SVEP1: variants seen among roughly 807,000 people sequenced by gnomAD.
SVEP1 encodes sushi, von Willebrand factor type A, EGF and pentraxin domain containing 1, also known as sushi, von Willebrand factor type A, EGF and pentraxin domain-containing protein 1.
SVEP1 carries 164 observed loss-of-function variants against 367.3 expected under a neutral mutation model. The ratio of observed to expected loss-of-function variants is 0.45; its 90% CI spans 0.39 to 0.51. The LOEUF is 0.51. SVEP1 is among the 20% of genes least tolerant of loss of function. SVEP1 has a pLI of 0.00. For synonymous variants in SVEP1, 1,666 were observed against 1,611.6 expected (o/e 1.03, Z -0.81); for missense variants, 4,117 against 4,425.3 (o/e 0.93, Z 1.98).
intron 30 of SVEP1, among the ~76,000 whole-genome samples, chr9:110,433,097 T>C (rs1828376475): frequency 6.6e-6 from 1 of 152,190 alleles, no homozygotes; most frequent in Non-Finnish European, 1.5e-5. Context: ...GTGCCTACTC[T>C]TGATGCCTTC....
chr9:110,406,087 A>G, intron 38 of SVEP1, 73 bp downstream of exon 38: 1 of 1,491,650 alleles, frequency 6.7e-7, no homozygotes. Context: ...CAATCAGCAA[A>G]ATTTTTGATC....
intron 3 of SVEP1, among the ~76,000 whole-genome samples, chr9:110,519,848 G>A (rs1829855633): frequency 6.6e-6 from 1 of 152,050 alleles, no homozygotes; most frequent in Non-Finnish European, 1.5e-5. Flanking sequence ...AACAAGCTAT[G>A]GGGTCACTGG....
At chr9:110,550,273 T>C (rs1041494342) in intron 1 of SVEP1, among the ~76,000 whole-genome samples, 169 bp from the exon 2 acceptor site, 1 of 152,148 alleles carries the variant, frequency 6.6e-6, no homozygotes, top group Non-Finnish European at 1.5e-5. Context: ...GAGCCTACAA[T>C]GATCTTCTCA....
At chr9:110,536,386 C>G (rs1264263151) in intron 3 of SVEP1, among the ~76,000 whole-genome samples, 1 of 151,986 alleles carries the variant, frequency 6.6e-6, no homozygotes, top group Admixed American at 6.6e-5. Flanking sequence ...GTTTCCTCTT[C>G]TGCAAATGAG....
intron 18 of SVEP1, among the ~76,000 whole-genome samples, chr9:110,460,781 G>A (rs1257698576): frequency 1.3e-5 from 2 of 151,986 alleles, no homozygotes; most frequent in Non-Finnish European, 2.9e-5. Flanking sequence ...AAAATTCAAG[G>A]AAGGTATTAA....
intron 5 of SVEP1, among the ~76,000 whole-genome samples, chr9:110,505,122 G>A (rs1437605666): frequency 6.6e-6 from 1 of 152,098 alleles, no homozygotes; most frequent in Non-Finnish European, 1.5e-5. Context: ...GCATTTCCGC[G>A]GTTCTGCCAC....
chr9:110,499,245 T>C lies in SVEP1; in HGVS notation c.1484-7A>G. On this transcript the variant is annotated splice_polypyrimidine_tract_variant and splice_region_variant and intron_variant, in intron 6 of 47. Transcript: ENST00000374469. ...AAGGTGGAACAGTGGCGCTCTACGGTAGGGAAACAGAGAGAATGTTATTTG... is the reference window on the plus strand; with the variant it reads ...AAGGTGGAACAGTGGCGCTCTACGGCAGGGAAACAGAGAGAATGTTATTTG... 1.2e-6 allele frequency: 2 copies of C among 1,605,950 alleles called. No individual in the cohort carries two copies. The highest frequency in any genetic ancestry group is 4.5e-5 in the East Asian group (2 of 44,752).
chr9:110,375,333 A>C lies in SVEP1; in HGVS notation c.10600+35T>G, dbSNP rs1179089994. 3 of 1,521,906 alleles carry C rather than the reference A, an allele frequency of 2.0e-6. No homozygotes were observed. In the South Asian group the frequency reaches 3.6e-5, roughly 18 times the overall value. The allele number at this position is 1,521,906 out of a possible 1,614,324, so 94.3% of individuals were successfully genotyped here. A position where few individuals can be genotyped will look rare whatever the true frequency, so the allele number is the denominator to read the frequency against. On this transcript the variant is annotated intron_variant, in intron 46 of 47. Transcript: ENST00000374469. ...TGTCCTCTGGAGTTTCATGGGCCTG[A>C]GCCACCAAGAAAACAAACCATGAAA...
intron 43 of SVEP1, among the ~76,000 whole-genome samples, chr9:110,381,533 T>A (rs1041376349): frequency 6.6e-6 from 1 of 152,224 alleles, no homozygotes; most frequent in African/African-American, 2.4e-5. Context: ...TTCTAATTTT[T>A]GATTGAGCTG....
intron 9 of SVEP1, among the ~76,000 whole-genome samples, chr9:110,488,555 G>A (rs1829320497): frequency 6.6e-6 from 1 of 152,048 alleles, no homozygotes; most frequent in Non-Finnish European, 1.5e-5. Flanking sequence ...TTGGTAACAA[G>A]TGTGTGGTTA....
At chr9:110,382,717 G>C (rs949805093) in intron 43 of SVEP1, among the ~76,000 whole-genome samples, 1 of 151,964 alleles carries the variant, frequency 6.6e-6, no homozygotes, top group Non-Finnish European at 1.5e-5. Flanking sequence ...TCATAGGTTC[G>C]GTCTTTTTAC....
At chr9:110,399,009 G>T (rs1311850948) in intron 40 of SVEP1, among the ~76,000 whole-genome samples, 2 of 152,098 alleles carry the variant, frequency 1.3e-5, no homozygotes, top group Non-Finnish European at 2.9e-5. Flanking sequence ...ATACCCAAAG[G>T]ATTATAAATC....
chr9:110,379,195 T>C (rs983592836), intron 44 of SVEP1, among the ~76,000 whole-genome samples, 152 bp downstream of exon 44: 2 of 152,194 alleles, frequency 1.3e-5, no homozygotes, highest in South Asian at 4.1e-4. Flanking sequence ...ACTCAAACCA[T>C]AACATTAAAA....
chr9:110,380,367 T>A (rs947631517), intron 43 of SVEP1, among the ~76,000 whole-genome samples: 1 of 152,168 alleles, frequency 6.6e-6, no homozygotes. Context: ...TTTGTTGTCA[T>A]AATACTACCA....
intron 1 of SVEP1, among the ~76,000 whole-genome samples, chr9:110,566,008 A>AT (rs1470468200): frequency 6.6e-6 from 1 of 151,970 alleles, no homozygotes; most frequent in South Asian, 2.1e-4. Context: ...CTTCATCTGC[A>AT]TTTTGGTAAT....
intron 24 of SVEP1, among the ~76,000 whole-genome samples, chr9:110,448,903 G>A (rs77350271): frequency 0.15 from 22,713 of 152,178 alleles, 2,259 homozygotes; most frequent in East Asian, 0.43. Flanking sequence ...TCTGGATAGC[G>A]CCTTGGCTGT....
At chr9:110,442,749 C>T (rs961305011) in intron 27 of SVEP1, 1 of 152,080 alleles carries the variant, frequency 6.6e-6, no homozygotes, top group Non-Finnish European at 1.5e-5. Context: ...AGGCGTGAGC[C>T]ACCGTACCTG....
intron 15 of SVEP1, 106 bp from the exon 16 acceptor site, chr9:110,471,703 A>G: frequency 2.6e-6 from 2 of 777,916 alleles, no homozygotes; most frequent in Non-Finnish European, 4.1e-6. Context: ...TTTTAGTACT[A>G]ATAAGTGGTC....
intron 1 of SVEP1, among the ~76,000 whole-genome samples, chr9:110,569,624 A>G (rs1370595922): frequency 1.3e-5 from 2 of 152,242 alleles, no homozygotes; most frequent in Non-Finnish European, 2.9e-5. Flanking sequence ...AAACGACTCA[A>G]TCATGTAATA....
Sources: allele counts gnomAD v4.1 joint callset (sites outside exome capture counted in the v4.1 genomes callset), GRCh38; gene constraint gnomAD v4.1.1; transcripts MANE v1.5; gene names NCBI Gene and HGNC (gene_info 2026-07-23, HGNC 2026-07-21).